Variants in ELOVL6 observed in about 807,000 individuals in gnomAD.
ELOVL6 encodes the protein ELOVL fatty acid elongase 6.
In ELOVL6, 8 loss-of-function variants were observed where a neutral mutation model predicts 31.7. The ratio of observed to expected loss-of-function variants is 0.25; its 90% CI spans 0.15 to 0.45. The LOEUF (loss-of-function observed/expected upper bound fraction) is 0.45, where lower values mean the gene tolerates loss of function less well. ELOVL6 is among the 20% of genes least tolerant of loss of function. The probability of loss-of-function intolerance (pLI) is 1.00; values close to 1 mark genes in which losing one functional copy is unlikely to be tolerated. For synonymous variants in ELOVL6, 101 were observed against 117.7 expected, an observed-to-expected ratio of 0.86 and a Z score of 0.92; for missense variants, 126 against 326.4, an observed-to-expected ratio of 0.39 and a Z score of 4.73.
chr4:110,084,191 AAC>A (rs1486495617), intron 2 of ELOVL6, among the ~76,000 whole-genome samples: 1,805 of 86,110 alleles, frequency 0.021, 206 homozygotes, highest in East Asian at 0.11. Context: ...TATAACATAT[AAC>A]TTATATGATA....
chr4:110,170,454 T>C (rs1347938593), intron 1 of ELOVL6, among the ~76,000 whole-genome samples: 1 of 152,264 alleles, frequency 6.6e-6, no homozygotes, highest in African/African-American at 2.4e-5. Context: ...TGTAGTCATT[T>C]GTGGTCATGC....
At chr4:110,167,345 CTG>C (rs1370803830) in intron 1 of ELOVL6, among the ~76,000 whole-genome samples, 4 of 151,134 alleles carry the variant, frequency 2.6e-5, no homozygotes, top group African/African-American at 4.9e-5. Flanking sequence ...ATGTCTCTCT[CTG>C]TGTGTGTTTA....
rs1424185269 is a variant in ELOVL6, at chr4:110,084,135, A to G, written c.221+21362T>C. Among the ~76,000 whole-genome samples the G allele has an allele frequency of 2.0e-4, 7 of 35,296 alleles. 2 individuals carry two copies. The highest frequency in any genetic ancestry group is 8.1e-4 in the Admixed American group (2 of 2,470). The allele number at this position is 35,296 out of a possible 152,430, so 23.2% of individuals were successfully genotyped here. On this transcript the variant is annotated intron_variant, in intron 2 of 3. Transcript: ENST00000302274. ...TGATATATATAACATATATGTGATA[A>G]TGATATATATGATATATATAACATA...
Position 110,051,528 on chromosome 4 carries a change from A to G in ELOVL6, c.608T>C (p.Ile203Thr). The G allele has an allele frequency of 1.9e-6, 3 of 1,614,214 alleles. No homozygotes were observed. The highest frequency in any genetic ancestry group is 2.5e-6 in the Non-Finnish European group (3 of 1,180,026). ...CACACAGCCCATCAGCATCTGAGTG[A>G]TCTGGGACAAGGTGATGAACATGGC... ...KFAMFITLSQITQMLMGCVVN... is the reference protein window; with the variant it reads ...KFAMFITLSQTTQMLMGCVVN... Residue 203 changes from isoleucine (I) to threonine (T), a missense_variant, in exon 4 of 4, where the codon ATC (isoleucine) becomes ACC (threonine). Physicochemically the swap from Ile to Thr is moderately conservative, Grantham distance 89 (BLOSUM62 -1). Around this residue, in one of 3 missense-constraint regions of ELOVL6, gnomAD observed 57 missense variants for 110.2 expected, o/e 0.52. Coordinates refer to ENST00000302274, the MANE Select transcript of ELOVL6 (RefSeq NM_024090.3). The surrounding 1 kb of genome is among the most constrained non-coding windows in gnomAD (Gnocchi z 4.8).
At chr4:110,156,830 C>T (rs907339455) in intron 1 of ELOVL6, among the ~76,000 whole-genome samples, 9 of 152,148 alleles carry the variant, frequency 5.9e-5, no homozygotes, top group South Asian at 2.1e-4. Flanking sequence ...CGAGTATCTG[C>T]CTTGGAACAA....
rs529158189 is a variant in ELOVL6 at position 110,135,844 on chromosome 4, G to A, written c.90-30216C>T. ...AGGGTCAAAATAAAAAATTCTAGAA[G>A]AGAGAAGACTGATCACAATTTAATG... is the stretch of plus-strand genomic sequence containing the variant. On this transcript the variant is annotated intron_variant, in intron 1 of 3. Coordinates refer to ENST00000302274, the MANE Select transcript of ELOVL6 (RefSeq NM_024090.3). Among the ~76,000 whole-genome samples, 14 of 152,318 alleles carry A rather than the reference G, an allele frequency of 9.2e-5. No homozygotes were observed. The South Asian group carries it at 1.2e-3, about 14-fold the overall frequency.
chr4:110,110,400 GATT>G (rs1757001360), intron 1 of ELOVL6, among the ~76,000 whole-genome samples: 1 of 121,034 alleles, frequency 8.3e-6, no homozygotes, highest in Admixed American at 9.6e-5. Context: ...TTTTTCCGCA[GATT>G]TTTTTTTTTT....
At chr4:110,148,582 G>A (rs1405762959) in intron 1 of ELOVL6, among the ~76,000 whole-genome samples, 3 of 152,252 alleles carry the variant, frequency 2.0e-5, no homozygotes, top group Admixed American at 2.0e-4. Context: ...TAGCACAACA[G>A]GGTAAGCATA....
At chr4:110,171,361 A>T (rs912289107) in intron 1 of ELOVL6, among the ~76,000 whole-genome samples, 13 of 152,206 alleles carry the variant, frequency 8.5e-5, no homozygotes, top group African/African-American at 2.9e-4. Flanking sequence ...GTGAGCCAAG[A>T]TCGCGCCATT....
chr4:110,053,918 G>A (rs544399730), intron 3 of ELOVL6, among the ~76,000 whole-genome samples: 36 of 151,448 alleles, frequency 2.4e-4, no homozygotes, highest in African/African-American at 8.0e-4. Context: ...CAGCCTGGGC[G>A]ACAGAGTGAG....
At chr4:110,147,780 GACACACACACACACACACAC>G (rs58644594) in intron 1 of ELOVL6, among the ~76,000 whole-genome samples, 59 of 142,742 alleles carry the variant, frequency 4.1e-4, no homozygotes, top group African/African-American at 1.5e-3. Context: ...GACAGAGCAG[GACACACACACACACACACAC>G]ACACACACAC....
intron 1 of ELOVL6, among the ~76,000 whole-genome samples, chr4:110,145,938 A>G (rs944262781): frequency 6.6e-6 from 1 of 152,234 alleles, no homozygotes; most frequent in Admixed American, 6.5e-5. Context: ...AGCAATCTAT[A>G]GCTTCAACAC....
intron 2 of ELOVL6, among the ~76,000 whole-genome samples, chr4:110,077,580 TCCATCTGTATGTCA>T (rs1755681963): frequency 6.6e-6 from 1 of 151,598 alleles, no homozygotes; most frequent in South Asian, 2.1e-4. Context: ...ACACCAAAAC[TCCATCTGTATGTCA>T]CCATCGTCAA....
intron 3 of ELOVL6, among the ~76,000 whole-genome samples, chr4:110,057,645 G>A (rs1316215739): frequency 2.6e-5 from 4 of 151,958 alleles, no homozygotes; most frequent in Admixed American, 2.6e-4. Context: ...GAGGTCAGGA[G>A]TTCAAGTCCA....
At chr4:110,106,666 A>ATCG (rs1335328240) in intron 1 of ELOVL6, among the ~76,000 whole-genome samples, 2 of 151,726 alleles carry the variant, frequency 1.3e-5, no homozygotes, top group Non-Finnish European at 2.9e-5. Flanking sequence ...CTTCTTAACT[A>ATCG]TATCCTGTTT....
intron 2 of ELOVL6, among the ~76,000 whole-genome samples, chr4:110,090,347 T>C (rs1756382325): frequency 6.6e-6 from 1 of 152,202 alleles, no homozygotes; most frequent in Non-Finnish European, 1.5e-5. Flanking sequence ...GTAAACCTTC[T>C]ATACATTAAC....
At chr4:110,189,884 G>A (rs1255476733) in intron 1 of ELOVL6, among the ~76,000 whole-genome samples, 1 of 151,062 alleles carries the variant, frequency 6.6e-6, no homozygotes, top group Non-Finnish European at 1.5e-5. Context: ...GGAGAATGGT[G>A]TGAACCCGGG....
chr4:110,104,273 A>T lies in ELOVL6; in HGVS notation c.221+1224T>A, dbSNP rs75931652. Among the ~76,000 whole-genome samples the T allele has an allele frequency of 5.0e-3, 759 of 152,370 alleles. 5 individuals are homozygous for T. The highest frequency in any genetic ancestry group is 0.017 in the African/African-American group (709 of 41,588). On this transcript the variant is annotated intron_variant, in intron 2 of 3. Transcript: ENST00000302274. ...CTGTCAACCTTAAATGTAAATAAAA[A>T]TGAAAAGCCTTCTTTATATTATAGA...
chr4:110,083,300 C>T (rs76145164), intron 2 of ELOVL6, among the ~76,000 whole-genome samples: 4,793 of 151,736 alleles, frequency 0.032, 132 homozygotes, highest in East Asian at 0.11. Context: ...CGTCTTCTGA[C>T]ATGAAAGAAG....
Sources: gnomAD v4.1 joint callset for allele counts (sites outside exome capture counted in the v4.1 genomes callset) on GRCh38, gnomAD v4.1.1 for gene constraint, gnomAD v4.1.1 regional missense constraint, Gnocchi (gnomAD v3.1) non-coding constraint, MANE v1.5 for transcripts, NCBI Gene and HGNC (gene_info 2026-07-23, HGNC 2026-07-21) for gene names.